The following PDE11A variants were observed in gnomAD, a reference collection of about 807,000 sequenced individuals.
The protein encoded by PDE11A is dual 3',5'-cyclic-AMP and -GMP phosphodiesterase 11A.
Under a neutral mutation model 100.5 loss-of-function variants are expected in PDE11A, and 100 were observed. The observed-to-expected ratio is 1.00, with a 90% confidence interval of 0.85 to 1.18. The LOEUF (loss-of-function observed/expected upper bound fraction) is 1.18, where lower values mean the gene tolerates loss of function less well. Ranked by LOEUF, PDE11A falls within the 50% of genes most tolerant of loss-of-function variation. The pLI, the probability that PDE11A is intolerant of heterozygous loss-of-function variation, is 0.00. For synonymous variants in PDE11A, 381 were observed against 420.8 expected (o/e 0.91, Z 1.16); for missense variants, 1,141 against 1,152.6 (o/e 0.99, Z 0.15).
intron 1 of PDE11A, among the ~76,000 whole-genome samples, chr2:178,066,448 G>T (rs932376352): frequency 6.6e-6 from 1 of 152,146 alleles, no homozygotes; most frequent in African/African-American, 2.4e-5. Flanking sequence ...AATGGAGTAT[G>T]AGCCCCAGAG....
chr2:177,882,268 T>G (rs2084355736), intron 4 of PDE11A, among the ~76,000 whole-genome samples: 1 of 152,200 alleles, frequency 6.6e-6, no homozygotes, highest in Non-Finnish European at 1.5e-5. Flanking sequence ...ATATAATGCA[T>G]TCAAAGAGAA....
chr2:177,819,808 T>C (rs2083103680), intron 7 of PDE11A, among the ~76,000 whole-genome samples: 1 of 151,926 alleles, frequency 6.6e-6, no homozygotes, highest in Non-Finnish European at 1.5e-5. Flanking sequence ...ATTTTGTTCC[T>C]GACCTTGCTA....
At chr2:177,837,908 T>C (rs1469731870) in intron 6 of PDE11A, among the ~76,000 whole-genome samples, 1 of 152,238 alleles carries the variant, frequency 6.6e-6, no homozygotes, top group Non-Finnish European at 1.5e-5. Context: ...CTCAGCTTAA[T>C]TAAAAGCAGA....
chr2:177,907,724 A>G (rs189487766), intron 2 of PDE11A, among the ~76,000 whole-genome samples: 123 of 152,334 alleles, frequency 8.1e-4, no homozygotes, highest in African/African-American at 2.8e-3. Flanking sequence ...AGAAGTGTTT[A>G]CTATCCAGTA....
At chr2:178,069,415 A>G (rs866027134) in intron 1 of PDE11A, among the ~76,000 whole-genome samples, 4 of 152,276 alleles carry the variant, frequency 2.6e-5, no homozygotes, top group South Asian at 2.1e-4. Context: ...AGAGATACAT[A>G]AAAGAAGCCA....
chr2:177,983,530 A>G (rs2085907767), intron 2 of PDE11A, among the ~76,000 whole-genome samples: 1 of 152,236 alleles, frequency 6.6e-6, no homozygotes, highest in Non-Finnish European at 1.5e-5. Context: ...TACATAAATG[A>G]AAATAAAGCA....
intron 19 of PDE11A, among the ~76,000 whole-genome samples, chr2:177,639,075 C>T (rs12616259): frequency 0.61 from 92,847 of 151,386 alleles, 32,254 homozygotes; most frequent in Non-Finnish European, 0.75. Context: ...CTTAACTCAG[C>T]AAGATCACTG....
rs527575758 is a variant in PDE11A, at chr2:177,892,159, C to T, written c.1302+5899G>A. ...CAAGTGCTCTTTGGACTGGTTTTAA[C>T]GTCATATTGGCTCCCTCATACATTA... is the stretch of plus-strand genomic sequence containing the variant. On this transcript the variant is annotated intron_variant, in intron 4 of 19. Coordinates refer to ENST00000286063, the MANE Select transcript of PDE11A (RefSeq NM_016953.4). 3.9e-5 allele frequency among the ~76,000 whole-genome samples: 6 copies of T among 152,236 alleles called. No individual in the cohort carries two copies. In the South Asian group the frequency reaches 6.2e-4, roughly 16 times the overall value.
intron 1 of PDE11A, among the ~76,000 whole-genome samples, chr2:178,067,776 C>T (rs944093073): frequency 1.3e-5 from 2 of 152,214 alleles, no homozygotes; most frequent in East Asian, 1.9e-4. Context: ...CTTTGTACAC[C>T]GATAGGCCCT....
chr2:178,091,943 C>A (rs2087428841), intron 2 of PDE11A, among the ~76,000 whole-genome samples: 1 of 152,102 alleles, frequency 6.6e-6, no homozygotes, highest in Admixed American at 6.5e-5. Context: ...AAATATTTAA[C>A]AACATTGGAC....
chr2:177,853,450 T>C, intron 5 of PDE11A, among the ~76,000 whole-genome samples: 1 of 151,200 alleles, frequency 6.6e-6, no homozygotes, highest in South Asian at 2.1e-4. Flanking sequence ...GACGGTGGCA[T>C]CATTATCAGA....
At chr2:177,863,910 T>A (rs750434837) in intron 5 of PDE11A, among the ~76,000 whole-genome samples, 1 of 152,090 alleles carries the variant, frequency 6.6e-6, no homozygotes, top group Non-Finnish European at 1.5e-5. Flanking sequence ...GCAGCATTAT[T>A]CACAAGAGCA....
intron 5 of PDE11A, among the ~76,000 whole-genome samples, chr2:177,845,127 G>A (rs1052091150): frequency 8.6e-5 from 13 of 151,806 alleles, no homozygotes; most frequent in African/African-American, 2.9e-4. Context: ...GGGCAGAGGC[G>A]CTCCTCACCT....
At chr2:177,807,847 T>C (rs2082895378) in intron 9 of PDE11A, among the ~76,000 whole-genome samples, 1 of 152,258 alleles carries the variant, frequency 6.6e-6, no homozygotes. Flanking sequence ...ACACGATTAC[T>C]ACTGTTTTCA....
rs1385724553 is a variant in PDE11A at position 178,072,248 on chromosome 2, T to C, written c.190A>G (p.Ser64Gly). ...ACGCTGCTGCCACCTCTGCAGGTGC[T>C]GTGAGCCAAGCTGCTGGTACCAGCC... ...SLAGTSSLAH[S>G]TCRGGSSVGG... The change falls in exon 1 of 20, where the codon AGC becomes GGC. Residue 64 changes from serine to glycine, a missense_variant. Coordinates refer to ENST00000286063, the MANE Select transcript of PDE11A (RefSeq NM_016953.4). The C allele has an allele frequency of 6.2e-7, 1 of 1,613,580 alleles. No individual in the cohort carries two copies. Among genetic ancestry groups the C allele is most frequent in the Non-Finnish European group, 8.5e-7 (1 of 1,179,708 alleles).
intron 4 of PDE11A, among the ~76,000 whole-genome samples, chr2:177,882,177 T>C (rs1406223046): frequency 6.6e-6 from 1 of 152,224 alleles, no homozygotes; most frequent in Non-Finnish European, 1.5e-5. Context: ...CAAGTGTCTT[T>C]GAATAGCAAA....
upstream of PDE11A, among the ~76,000 whole-genome samples, chr2:178,076,306 A>G (rs929555758): frequency 2.0e-5 from 3 of 152,278 alleles, no homozygotes; most frequent in Non-Finnish European, 2.9e-5. Flanking sequence ...CCTTTTTAAT[A>G]TAAGTATTTA....
At chr2:178,055,202 A>T (rs979437123) in intron 1 of PDE11A, among the ~76,000 whole-genome samples, 1 of 152,192 alleles carries the variant, frequency 6.6e-6, no homozygotes, top group Non-Finnish European at 1.5e-5. Flanking sequence ...TTGTAGGGAC[A>T]TGGATGAAGC....
intron 2 of PDE11A, among the ~76,000 whole-genome samples, chr2:177,967,178 T>C (rs1229629294): frequency 6.6e-6 from 1 of 151,268 alleles, no homozygotes; most frequent in African/African-American, 2.4e-5. Flanking sequence ...TTCTATGGGA[T>C]TGGTGGTAAT....
Sources: allele counts gnomAD v4.1 joint callset (sites outside exome capture counted in the v4.1 genomes callset), GRCh38; gene constraint gnomAD v4.1.1; transcripts MANE v1.5; gene names NCBI Gene and HGNC (gene_info 2026-07-23, HGNC 2026-07-21).